Variants in CDH13 observed in about 807,000 individuals in gnomAD.
CDH13 encodes the protein cadherin-13.
A neutral mutation model predicts 63.8 loss-of-function variants in CDH13; 24 were observed. The observed-to-expected ratio is 0.38, with a 90% CI of 0.27 to 0.53. The LOEUF (loss-of-function observed/expected upper bound fraction) is 0.53. CDH13 is among the 20% of genes least tolerant of loss of function. The pLI is 0.85. For synonymous variants in CDH13, 503 were observed against 355.3 expected, an observed-to-expected ratio of 1.42 and a Z score of -4.67; for missense variants, 1,049 against 903.1, an observed-to-expected ratio of 1.16 and a Z score of -2.07.
chr16:83,425,436 C>T (rs12149039), intron 6 of CDH13, among the ~76,000 whole-genome samples: 22,300 of 152,242 alleles, frequency 0.15, 2,230 homozygotes, highest in East Asian at 0.52. Flanking sequence ...CACTCTTGGC[C>T]AGGGGCCAAT....
intron 6 of CDH13, among the ~76,000 whole-genome samples, chr16:83,380,866 A>G (rs953880966): frequency 9.3e-5 from 14 of 151,032 alleles, no homozygotes; most frequent in African/African-American, 2.9e-4. Context: ...AAGGAAAAAG[A>G]GAAGAGTGTA....
chr16:83,692,123 C>G (rs1904961769), intron 10 of CDH13, among the ~76,000 whole-genome samples: 1 of 152,178 alleles, frequency 6.6e-6, no homozygotes, highest in Non-Finnish European at 1.5e-5. Flanking sequence ...AGAAGCGTGC[C>G]CTGTGTGTGC....
chr16:82,813,895 C>G (rs2037572285), intron 1 of CDH13, among the ~76,000 whole-genome samples: 1 of 152,150 alleles, frequency 6.6e-6, no homozygotes, highest in Non-Finnish European at 1.5e-5. Flanking sequence ...GTCTCTTGCC[C>G]TCTCTGAGTC....
At chr16:83,029,178 A>T (rs922162467) in intron 2 of CDH13, among the ~76,000 whole-genome samples, 1 of 152,208 alleles carries the variant, frequency 6.6e-6, no homozygotes, top group Non-Finnish European at 1.5e-5. Flanking sequence ...AGTTAATATG[A>T]TTATTATCAC....
At chr16:83,086,491 A>G (rs2033603114) in intron 3 of CDH13, among the ~76,000 whole-genome samples, 1 of 152,142 alleles carries the variant, frequency 6.6e-6, no homozygotes, top group Non-Finnish European at 1.5e-5. Context: ...TTTCTGTCCC[A>G]GATCCTTTAT....
intron 1 of CDH13, among the ~76,000 whole-genome samples, chr16:82,673,649 T>G (rs1332427292): frequency 6.6e-6 from 1 of 152,228 alleles, no homozygotes; most frequent in Admixed American, 6.5e-5. Context: ...GGCGAGAGCC[T>G]CCCTAAAGAA....
At chr16:83,776,140 G>T (rs1030665162) in intron 11 of CDH13, among the ~76,000 whole-genome samples, 1 of 152,104 alleles carries the variant, frequency 6.6e-6, no homozygotes, top group African/African-American at 2.4e-5. Flanking sequence ...AGCCTGGCCT[G>T]GGAATAACAC....
chr16:83,115,533 A>G (rs1209439186), intron 3 of CDH13, among the ~76,000 whole-genome samples: 1 of 152,230 alleles, frequency 6.6e-6, no homozygotes, highest in Non-Finnish European at 1.5e-5. Context: ...CCGAAGCATC[A>G]CATCTTTGCG....
chr16:83,413,973 A>G (rs957652283), intron 6 of CDH13, among the ~76,000 whole-genome samples: 2 of 151,486 alleles, frequency 1.3e-5, no homozygotes, highest in African/African-American at 4.9e-5. Flanking sequence ...CAGCCTGGGC[A>G]ATAGAGCGAG....
At chr16:83,526,202 G>A (rs2074955541) in intron 7 of CDH13, among the ~76,000 whole-genome samples, 1 of 152,192 alleles carries the variant, frequency 6.6e-6, no homozygotes. Flanking sequence ...AGAGTCAGAA[G>A]TTTTGTTTTG....
At chr16:83,634,945 A>G (rs1179729053) in intron 8 of CDH13, among the ~76,000 whole-genome samples, 2 of 152,226 alleles carry the variant, frequency 1.3e-5, no homozygotes, top group African/African-American at 4.8e-5. Flanking sequence ...TTTTCTGGGT[A>G]CCAGCTGCTG....
chr16:83,032,206 G>A lies in CDH13; in HGVS notation c.354G>A (p.Gln118=). 1 of 1,613,192 alleles carries A rather than the reference G, an allele frequency of 6.2e-7. No individual in the cohort carries two copies. Among genetic ancestry groups the A allele is most frequent in the Non-Finnish European group, 8.5e-7 (1 of 1,179,362 alleles). Residue 118 remains glutamine (Q), a synonymous_variant, in exon 3 of 14, where the codon CAG becomes CAA. Coordinates refer to ENST00000567109, the MANE Select transcript of CDH13 (RefSeq NM_001257.5). ...ELVIVGGKDI[Q]GSLQDIFKFA... is the part of the protein sequence containing the mutation. ...TGATTGTCGGGGGGAAAGACATCCA[G>A]GGCTCCTTGCAGGTAACACATCTGT...
rs999223509 is a variant in CDH13 at position 82,644,994 on chromosome 16, T to C, written c.45+17857T>C. On this transcript the variant is annotated intron_variant, in intron 1 of 13. Coordinates refer to ENST00000567109, the MANE Select transcript of CDH13 (RefSeq NM_001257.5). This position sits in a 1 kb window ranked among gnomAD's most constrained non-coding sequence, Gnocchi z 5.7. ...GAGAAGTGGACCAGATTGGGTTTTGTTTTTTCACAAATGAAAGTCTCTGAG... is the reference window on the plus strand; with the variant it reads ...GAGAAGTGGACCAGATTGGGTTTTGCTTTTTCACAAATGAAAGTCTCTGAG... 3.2e-4 allele frequency among the ~76,000 whole-genome samples: 48 copies of C among 152,282 alleles called. No individual in the cohort carries two copies. The highest frequency in any genetic ancestry group is 1.1e-3 in the African/African-American group (45 of 41,546).
chr16:83,325,269 C>G (rs551633798), intron 5 of CDH13, among the ~76,000 whole-genome samples: 4 of 122,670 alleles, frequency 3.3e-5, no homozygotes, highest in African/African-American at 1.0e-4. Context: ...GGCACCTTAT[C>G]TATCTGTTGA....
chr16:83,432,603 C>G (rs1386540205), intron 6 of CDH13, among the ~76,000 whole-genome samples: 1 of 152,184 alleles, frequency 6.6e-6, no homozygotes, highest in African/African-American at 2.4e-5. Flanking sequence ...GAGAAGAGTG[C>G]TGGCCTGGGA....
At chr16:83,412,745 C>A (rs114241075) in intron 6 of CDH13, among the ~76,000 whole-genome samples, 9,706 of 152,226 alleles carry the variant, frequency 0.064, 333 homozygotes, top group African/African-American at 0.074. Context: ...TCATGAGCCC[C>A]CTTAAGACCC....
chr16:83,299,261 G>C (rs1376082329), intron 5 of CDH13, among the ~76,000 whole-genome samples: 1 of 148,196 alleles, frequency 6.7e-6, no homozygotes, highest in African/African-American at 2.5e-5. Context: ...CCCTTATTTT[G>C]GATGCTTGCT....
intron 3 of CDH13, among the ~76,000 whole-genome samples, chr16:83,085,434 A>G (rs2033528967): frequency 6.6e-6 from 1 of 152,190 alleles, no homozygotes; most frequent in Non-Finnish European, 1.5e-5. Flanking sequence ...CATGGTGTGC[A>G]AGATGGCTGA....
intron 7 of CDH13, among the ~76,000 whole-genome samples, chr16:83,559,041 T>TG (rs1260601024): frequency 6.6e-6 from 1 of 152,144 alleles, no homozygotes; most frequent in Non-Finnish European, 1.5e-5. Flanking sequence ...CAGGAGTTCC[T>TG]GGTGGGAGCT....
Sources: gnomAD v4.1 joint callset for allele counts (sites outside exome capture counted in the v4.1 genomes callset) on GRCh38, gnomAD v4.1.1 for gene constraint, Gnocchi (gnomAD v3.1) non-coding constraint, MANE v1.5 for transcripts, NCBI Gene and HGNC (gene_info 2026-07-23, HGNC 2026-07-21) for gene names.